LGSN: variants seen among roughly 807,000 people sequenced by gnomAD.
LGSN encodes lengsin.
In LGSN, 21 loss-of-function variants were observed where a neutral mutation model predicts 19.5. The ratio of observed to expected loss-of-function variants is 1.07; its 90% CI spans 0.76 to 1.55. The LOEUF is 1.55. Among genes scored for constraint, LGSN ranks in the 40% most tolerant of loss-of-function variants. The pLI is 0.00. For missense variants in LGSN, 673 were observed against 608.5 expected (o/e 1.11, Z -1.12); for synonymous variants, 257 against 215.6 (o/e 1.19, Z -1.68).
chr6:63,408,809 A>G, the LGSN span, among the ~76,000 whole-genome samples: 13 of 152,218 alleles, frequency 8.5e-5, no homozygotes, highest in African/African-American at 2.7e-4. Flanking sequence ...TCCAGAATCT[A>G]CAATGAACTC....
At chr6:63,291,242 C>T (rs141412759) in intron 2 of LGSN, among the ~76,000 whole-genome samples, 186 of 152,288 alleles carry the variant, frequency 1.2e-3, no homozygotes, top group African/African-American at 4.1e-3. Flanking sequence ...TTGCCATCCA[C>T]GGACGGCTGT....
chr6:63,388,510 G>A, the LGSN span, among the ~76,000 whole-genome samples: 1 of 152,152 alleles, frequency 6.6e-6, no homozygotes, highest in African/African-American at 2.4e-5. Context: ...CCTGTAAGAA[G>A]AGGAAATCTG....
At chr6:63,362,798 G>GA in the LGSN span, among the ~76,000 whole-genome samples, 1 of 152,242 alleles carries the variant, frequency 6.6e-6, no homozygotes, top group Non-Finnish European at 1.5e-5. Flanking sequence ...AAAGGCAGCA[G>GA]AAAATTCTGC....
the LGSN span, among the ~76,000 whole-genome samples, chr6:63,325,437 G>C: frequency 6.6e-6 from 1 of 152,094 alleles, no homozygotes; most frequent in Non-Finnish European, 1.5e-5. Context: ...AAATACAAAA[G>C]ATCATCAGAG....
the LGSN span, among the ~76,000 whole-genome samples, chr6:63,477,920 A>G: frequency 6.6e-6 from 1 of 151,474 alleles, no homozygotes; most frequent in East Asian, 1.9e-4. Flanking sequence ...TTTCATCAAT[A>G]AAATTTTCCT....
chr6:63,323,559 T>TACACACACACACACACACACAC (rs58400159), upstream of LGSN, among the ~76,000 whole-genome samples: 1 of 132,762 alleles, frequency 7.5e-6, no homozygotes, highest in Non-Finnish European at 1.6e-5. Context: ...AAACCTCATA[T>TACACACACACACACACACACAC]ACACACACAC....
chr6:63,379,413 G>A, the LGSN span, among the ~76,000 whole-genome samples: 3 of 152,134 alleles, frequency 2.0e-5, no homozygotes, highest in Non-Finnish European at 2.9e-5. Context: ...CTTAAAGAAG[G>A]GCCTCAGCGT....
At chr6:63,321,808 A>G (rs2127399798), upstream of LGSN, among the ~76,000 whole-genome samples, 1 of 152,300 alleles carries the variant, frequency 6.6e-6, no homozygotes, top group South Asian at 2.1e-4. Context: ...TTTCATTCAC[A>G]AGCATTTGTT....
chr6:63,344,647 G>GT, the LGSN span, among the ~76,000 whole-genome samples: 2 of 152,092 alleles, frequency 1.3e-5, no homozygotes, highest in Non-Finnish European at 2.9e-5. Context: ...TTGTAAGAAT[G>GT]CCTGGTGGGT....
At chr6:63,517,406 T>C in the LGSN span, among the ~76,000 whole-genome samples, 1 of 152,178 alleles carries the variant, frequency 6.6e-6, no homozygotes, top group Non-Finnish European at 1.5e-5. Flanking sequence ...TGTTGCCTAA[T>C]GTTCTTAGTC....
chr6:63,481,133 C>T, the LGSN span, among the ~76,000 whole-genome samples: 7 of 151,756 alleles, frequency 4.6e-5, no homozygotes, highest in Admixed American at 3.3e-4. Context: ...ACCAAAAAAC[C>T]GTGTGTTCTC....
chr6:63,299,933 G>A (rs1432250100), intron 1 of LGSN, among the ~76,000 whole-genome samples: 1 of 152,182 alleles, frequency 6.6e-6, no homozygotes, highest in Non-Finnish European at 1.5e-5. Flanking sequence ...ATACGTGCTT[G>A]ATTGTCTGTA....
the LGSN span, among the ~76,000 whole-genome samples, chr6:63,501,294 G>A: frequency 2.0e-5 from 3 of 151,650 alleles, no homozygotes; most frequent in East Asian, 2.0e-4. Flanking sequence ...CCCAGGAGGC[G>A]GAGGTTGCAG....
the LGSN span, among the ~76,000 whole-genome samples, chr6:63,342,558 T>C: frequency 6.6e-6 from 1 of 152,202 alleles, no homozygotes; most frequent in Non-Finnish European, 1.5e-5. Context: ...ACCATATTTT[T>C]TAAATTCAGT....
chr6:63,475,312 G>T, the LGSN span, among the ~76,000 whole-genome samples: 1 of 63,112 alleles, frequency 1.6e-5, no homozygotes, highest in Non-Finnish European at 3.3e-5. Context: ...GAATAGATCT[G>T]CCAAAAAAAA....
At chr6:63,302,728 A>G (rs1768232463) in intron 1 of LGSN, among the ~76,000 whole-genome samples, 1 of 152,206 alleles carries the variant, frequency 6.6e-6, no homozygotes, top group African/African-American at 2.4e-5. Flanking sequence ...TGAAGAAACG[A>G]AATTTGTATT....
At chr6:63,331,933 CT>C in the LGSN span, among the ~76,000 whole-genome samples, 1 of 152,166 alleles carries the variant, frequency 6.6e-6, no homozygotes, top group South Asian at 2.1e-4. Context: ...GATTTTACCC[CT>C]TTCCTATAAA....
the LGSN span, among the ~76,000 whole-genome samples, chr6:63,471,374 C>T: frequency 2.0e-5 from 3 of 151,826 alleles, no homozygotes; most frequent in African/African-American, 7.3e-5. Flanking sequence ...GGCTAAATAT[C>T]AGTAAACCAG....
rs1364533264 is a variant in LGSN at position 63,277,196 on chromosome 6, A to C, written c.*2825T>G. 6.6e-6 allele frequency: 1 copy of C among 152,178 alleles called. No individual in the cohort carries two copies. Among genetic ancestry groups the C allele is most frequent in the Non-Finnish European group, 1.5e-5 (1 of 68,024 alleles). 9.4% of individuals were successfully genotyped at this position (152,178 alleles called of 1,614,324 possible). A position where few individuals can be genotyped will look rare whatever the true frequency, so the allele number is the denominator to read the frequency against. The stretch of plus-strand genomic sequence containing the variant: ...GAAAGGGGAAAAAACGGCTTCAAAC[A>C]CTGTGATTATCAGACTTTTTACAGC... On this transcript the variant is annotated 3_prime_UTR_variant, in exon 4 of 4. Coordinates refer to ENST00000370657, the MANE Select transcript of LGSN (RefSeq NM_016571.3).
Sources: gnomAD v4.1 joint callset for allele counts (sites outside exome capture counted in the v4.1 genomes callset) on GRCh38, gnomAD v4.1.1 for gene constraint, MANE v1.5 for transcripts, NCBI Gene and HGNC (gene_info 2026-07-23, HGNC 2026-07-21) for gene names.